Variants in KIF3B observed in about 807,000 individuals in gnomAD.
The protein encoded by KIF3B is kinesin-like protein KIF3B.
In KIF3B, 38 loss-of-function variants were observed where a neutral mutation model predicts 74.3. That is an observed-to-expected ratio of 0.51 (90% CI 0.39 to 0.67). The LOEUF (loss-of-function observed/expected upper bound fraction) is 0.67, where lower values mean the gene tolerates loss of function less well. Among genes scored for constraint, KIF3B ranks in the 30% least tolerant of loss-of-function variants. KIF3B has a pLI of 0.00. For missense variants in KIF3B, 649 were observed against 932.0 expected, an observed-to-expected ratio of 0.70 and a Z score of 3.95; for synonymous variants, 326 against 342.5, an observed-to-expected ratio of 0.95 and a Z score of 0.53.
At chr20:32,302,935 G>A (rs1236190264) in intron 1 of KIF3B, among the ~76,000 whole-genome samples, 1 of 152,176 alleles carries the variant, frequency 6.6e-6, no homozygotes, top group Non-Finnish European at 1.5e-5. Flanking sequence ...GGCCCAGGAT[G>A]GCTTTGAATG....
intron 1 of KIF3B, among the ~76,000 whole-genome samples, chr20:32,286,989 T>A (rs566801577): frequency 6.6e-6 from 1 of 152,322 alleles, no homozygotes; most frequent in African/African-American, 2.4e-5. Flanking sequence ...CAGACAGAAT[T>A]ACAATTTGGT....
In KIF3B at chr20:32,322,662, A is replaced by ATATATATATTTATATATTTATATATATT. The variant is rs1424230267; in HGVS notation, c.1749-4075_1749-4048dup. Among the ~76,000 whole-genome samples, 55 of 55,354 alleles carry ATATATATATTTATATATTTATATATATT rather than the reference A, an allele frequency of 9.9e-4. 7 individuals carry two copies. The highest frequency in any genetic ancestry group is 5.7e-3 in the Middle Eastern group (1 of 174). The allele number at this position is 55,354 out of a possible 152,430, so 36.3% of individuals were successfully genotyped here. On this transcript the variant is annotated intron_variant, in intron 5 of 8. Coordinates refer to ENST00000375712, the MANE Select transcript of KIF3B (RefSeq NM_004798.4). The stretch of plus-strand genomic sequence containing the variant: ...TTTATATATATATTTTTATATATTT[A>ATATATATATTTATATATTTATATATATT]TATATATATTTATATATTTATATAT...
intron 1 of KIF3B, among the ~76,000 whole-genome samples, chr20:32,308,898 G>A (rs958094132): frequency 2.6e-5 from 4 of 151,244 alleles, no homozygotes; most frequent in African/African-American, 9.7e-5. Flanking sequence ...TGTATATTTA[G>A]TAGAGATGGG....
At chr20:32,327,694 C>A in intron 7 of KIF3B, 33 bp downstream of exon 7, 2 of 1,537,158 alleles carry the variant, frequency 1.3e-6, no homozygotes, top group South Asian at 1.1e-5. Context: ...TTTCTCCTGT[C>A]TCTTTTGGAG....
chr20:32,296,945 C>T (rs1319341403), intron 1 of KIF3B, among the ~76,000 whole-genome samples: 1 of 151,978 alleles, frequency 6.6e-6, no homozygotes, highest in Non-Finnish European at 1.5e-5. Flanking sequence ...ATTGCAAACA[C>T]GGAGTCCTGA....
At chr20:32,319,033 A>G (rs1189843150) in intron 5 of KIF3B, among the ~76,000 whole-genome samples, 4 of 150,470 alleles carry the variant, frequency 2.7e-5, no homozygotes, top group African/African-American at 9.8e-5. Flanking sequence ...CAGTCTCAGC[A>G]CACTGCAACC....
chr20:32,310,113 C>T lies in KIF3B; in HGVS notation c.336C>T (p.Asp112=), dbSNP rs1486227612. ...ACACCATGGAAGGAATCCGTGGTGA[C>T]CCTGAAAAAAGAGGAGTCATTCCTA... ...KTYTMEGIRG[D]PEKRGVIPNS... Residue 112 remains aspartate, a synonymous_variant, in exon 2 of 9, where the codon GAC becomes GAT. Coordinates refer to ENST00000375712, the MANE Select transcript of KIF3B (RefSeq NM_004798.4). This position sits in a 1 kb window ranked among gnomAD's most constrained non-coding sequence, Gnocchi z 6.5. 1.9e-6 allele frequency: 3 copies of T among 1,613,772 alleles called. No individual in the cohort carries two copies. The highest frequency in any genetic ancestry group is 2.5e-6 in the Non-Finnish European group (3 of 1,179,942).
chr20:32,280,555 G>A (rs1341103967), intron 1 of KIF3B, among the ~76,000 whole-genome samples: 4 of 147,556 alleles, frequency 2.7e-5, no homozygotes, highest in Non-Finnish European at 4.5e-5. Flanking sequence ...TCTACTAAAA[G>A]AAAAAAAAAA....
chr20:32,325,039 CTAAT>C (rs1434991088), intron 5 of KIF3B, among the ~76,000 whole-genome samples: 2 of 152,060 alleles, frequency 1.3e-5, no homozygotes, highest in Non-Finnish European at 2.9e-5. Flanking sequence ...TCCAGAAAAA[CTAAT>C]TAATTAATTA....
intron 1 of KIF3B, among the ~76,000 whole-genome samples, chr20:32,292,977 G>A (rs557434717): frequency 6.6e-6 from 1 of 152,006 alleles, no homozygotes; most frequent in South Asian, 2.1e-4. Flanking sequence ...TTTTTTGGCT[G>A]GGCGCAGTGG....
At chr20:32,314,584 T>C (rs1400244499) in intron 2 of KIF3B, among the ~76,000 whole-genome samples, 1 of 151,212 alleles carries the variant, frequency 6.6e-6, no homozygotes, top group East Asian at 1.9e-4. Context: ...TTGTTAGGTA[T>C]GTATGTGGAG....
intron 7 of KIF3B, among the ~76,000 whole-genome samples, chr20:32,328,444 A>C (rs1307999815): frequency 2.0e-5 from 3 of 151,650 alleles, no homozygotes; most frequent in Non-Finnish European, 2.9e-5. Flanking sequence ...AACAAAAACT[A>C]AAAACACAAA....
intron 5 of KIF3B, among the ~76,000 whole-genome samples, chr20:32,325,907 AT>A (rs2047901863): frequency 6.6e-6 from 1 of 151,730 alleles, no homozygotes; most frequent in Non-Finnish European, 1.5e-5. Flanking sequence ...ACCTCAGGCA[AT>A]CCACTGGCTC....
intron 1 of KIF3B, among the ~76,000 whole-genome samples, chr20:32,281,888 C>G (rs2047644851): frequency 6.6e-6 from 1 of 152,116 alleles, no homozygotes; most frequent in Non-Finnish European, 1.5e-5. Context: ...GTTCCAGAAA[C>G]TGCAAGAAGG....
chr20:32,320,545 G>C (rs1293168213), intron 5 of KIF3B, among the ~76,000 whole-genome samples: 1 of 149,620 alleles, frequency 6.7e-6, no homozygotes, highest in Non-Finnish European at 1.5e-5. Flanking sequence ...TAGAGATAAG[G>C]CCTTCTTCTG....
At position 32,310,578 on chromosome 20, in the gene KIF3B, G is replaced by C; in HGVS notation, c.801G>C (p.Lys267Asn). 6.2e-7 allele frequency: 1 copy of C among 1,614,138 alleles called. No homozygotes were observed. The change falls in exon 2 of 9, where the codon AAG (lysine) becomes AAC (asparagine). Residue 267 changes from lysine to asparagine, a missense_variant. By Grantham distance (94) the Lys-to-Asn change is moderately conservative. Around this residue, in one of 4 missense-constraint regions of KIF3B, gnomAD observed 363 missense variants for 592.8 expected, o/e 0.61. Coordinates refer to ENST00000375712, the MANE Select transcript of KIF3B (RefSeq NM_004798.4). This position sits in a 1 kb window ranked among gnomAD's most constrained non-coding sequence, Gnocchi z 6.5. ...AQGERLKEATKINLSLSALGN... is the reference protein window; with the variant it reads ...AQGERLKEATNINLSLSALGN... ...GGGAGAGATTAAAAGAAGCTACCAAGATCAACCTCTCCCTTTCCGCTTTGG... is the reference window on the plus strand; with the variant it reads ...GGGAGAGATTAAAAGAAGCTACCAACATCAACCTCTCCCTTTCCGCTTTGG...
chr20:32,329,350 C>CTTTTTTT (rs35042287), intron 7 of KIF3B, among the ~76,000 whole-genome samples: 1 of 140,640 alleles, frequency 7.1e-6, no homozygotes. Flanking sequence ...CCTTTTTTTT[C>CTTTTTTT]TTTTTTTTTT....
At chr20:32,327,511 C>G (rs1323869925) in intron 6 of KIF3B, 45 bp from the exon 7 acceptor site, 1 of 1,515,026 alleles carries the variant, frequency 6.6e-7, no homozygotes, top group Non-Finnish European at 9.2e-7. Flanking sequence ...AGTGCTGGTT[C>G]CACAGGACTC....
At chr20:32,327,015 T>G in intron 6 of KIF3B, 131 bp downstream of exon 6, 1 of 568,654 alleles carries the variant, frequency 1.8e-6, no homozygotes, top group East Asian at 2.8e-5. Context: ...CAAAACCCAC[T>G]GCATTACTGA....
Sources: allele counts gnomAD v4.1 joint callset (sites outside exome capture counted in the v4.1 genomes callset), GRCh38; gene constraint gnomAD v4.1.1; regional missense constraint gnomAD v4.1.1; non-coding constraint Gnocchi (gnomAD v3.1); transcripts MANE v1.5; gene names NCBI Gene and HGNC (gene_info 2026-07-23, HGNC 2026-07-21).